The following TMED3 variants were observed in gnomAD, a reference collection of about 807,000 sequenced individuals.
The protein encoded by TMED3 is transmembrane p24 trafficking protein 3, also known as transmembrane emp24 domain-containing protein 3.
A neutral mutation model predicts 15.0 loss-of-function variants in TMED3; 9 were observed. The ratio of observed to expected loss-of-function variants is 0.60; its 90% confidence interval spans 0.36 to 1.04. The LOEUF is 1.04. TMED3 is among the 50% of genes least tolerant of loss of function. The pLI is 0.01. For synonymous variants in TMED3, 117 were observed against 121.4 expected, an observed-to-expected ratio of 0.96 and a Z score of 0.24; for missense variants, 267 against 278.9, an observed-to-expected ratio of 0.96 and a Z score of 0.30.
intron 2 of TMED3, among the ~76,000 whole-genome samples, chr15:79,397,988 A>C (rs981205904): frequency 2.6e-5 from 4 of 152,210 alleles, no homozygotes; most frequent in African/African-American, 9.6e-5. Flanking sequence ...TTAATACATC[A>C]TTATCACCTA....
At chr15:79,400,675 A>G (rs1893822735) in intron 2 of TMED3, among the ~76,000 whole-genome samples, 2 of 152,334 alleles carry the variant, frequency 1.3e-5, no homozygotes, top group Admixed American at 1.3e-4. Flanking sequence ...TGTGTATATA[A>G]CAATTATCTC....
intron 2 of TMED3, among the ~76,000 whole-genome samples, chr15:79,403,800 AT>A (rs1430061221): frequency 6.6e-6 from 1 of 152,126 alleles, no homozygotes; most frequent in Non-Finnish European, 1.5e-5. Flanking sequence ...GGAAGCACAT[AT>A]TTTGCGAGAA....
intron 2 of TMED3, among the ~76,000 whole-genome samples, chr15:79,391,428 G>A (rs1198778069): frequency 2.0e-5 from 3 of 152,138 alleles, no homozygotes; most frequent in Non-Finnish European, 4.4e-5. Context: ...ACTGTGGTCT[G>A]AGAGCATGCT....
At chr15:79,337,372 C>T (rs528790122) in intron 2 of TMED3, among the ~76,000 whole-genome samples, 4 of 152,200 alleles carry the variant, frequency 2.6e-5, no homozygotes, top group Non-Finnish European at 5.9e-5. Flanking sequence ...TTCTTTAAGC[C>T]TTATCTCCAA....
intron 2 of TMED3, among the ~76,000 whole-genome samples, chr15:79,338,387 G>A (rs1595892592): frequency 6.6e-6 from 1 of 152,140 alleles, no homozygotes; most frequent in South Asian, 2.1e-4. Flanking sequence ...GTAAATAGAA[G>A]GATGGTAATT....
At chr15:79,374,051 A>G (rs532924222) in intron 2 of TMED3, among the ~76,000 whole-genome samples, 31 of 152,208 alleles carry the variant, frequency 2.0e-4, no homozygotes, top group Non-Finnish European at 3.1e-4. Context: ...CTCTTAGTTA[A>G]ATCTCTCCTG....
chr15:79,400,372 C>A lies in TMED3; in HGVS notation c.418-11028C>A, dbSNP rs1163998952. ...TTAATCTACTAATGTATTTAATTATCTCTTGTCCATCTCCCTTACTAAAAT... is the reference window on the plus strand; with the variant it reads ...TTAATCTACTAATGTATTTAATTATATCTTGTCCATCTCCCTTACTAAAAT... On this transcript the variant is annotated intron_variant, in intron 2 of 2. Transcript: ENST00000424155. Among the ~76,000 whole-genome samples, 5 of 152,222 alleles carry A rather than the reference C, an allele frequency of 3.3e-5. No homozygotes were observed. In the East Asian group the frequency reaches 9.6e-4, roughly 29 times the overall value.
intron 2 of TMED3, among the ~76,000 whole-genome samples, chr15:79,363,939 T>A (rs1450870536): frequency 1.3e-5 from 2 of 152,180 alleles, no homozygotes; most frequent in Non-Finnish European, 2.9e-5. Flanking sequence ...AAGGGTTTTT[T>A]AAGTCGGAGA....
chr15:79,405,269 T>A (rs577113385), intron 2 of TMED3, among the ~76,000 whole-genome samples: 1 of 152,110 alleles, frequency 6.6e-6, no homozygotes, highest in Admixed American at 6.6e-5. Flanking sequence ...GAGCTGAAAC[T>A]CCCCTGTGGT....
intron 2 of TMED3, among the ~76,000 whole-genome samples, chr15:79,332,668 T>A (rs1434559074): frequency 6.6e-6 from 1 of 152,216 alleles, no homozygotes; most frequent in East Asian, 1.9e-4. Context: ...TCGCTTATCA[T>A]TCAGCTGTAA....
At chr15:79,338,248 A>AT (rs1287409952) in intron 2 of TMED3, among the ~76,000 whole-genome samples, 3 of 152,178 alleles carry the variant, frequency 2.0e-5, no homozygotes, top group African/African-American at 7.2e-5. Flanking sequence ...TCTGTGCAGT[A>AT]TTTTTTTCTT....
At chr15:79,350,634 T>TG (rs1470176553) in intron 2 of TMED3, among the ~76,000 whole-genome samples, 1 of 152,156 alleles carries the variant, frequency 6.6e-6, no homozygotes, top group Non-Finnish European at 1.5e-5. Context: ...AGGTTGAGGG[T>TG]GGGTCTGCCT....
intron 2 of TMED3, among the ~76,000 whole-genome samples, chr15:79,345,264 G>A (rs2058866010): frequency 6.6e-6 from 1 of 152,068 alleles, no homozygotes; most frequent in African/African-American, 2.4e-5. Flanking sequence ...ATTAAGCCTA[G>A]TACCCATTAG....
At chr15:79,384,892 A>G (rs1215079501) in intron 2 of TMED3, among the ~76,000 whole-genome samples, 2 of 152,162 alleles carry the variant, frequency 1.3e-5, no homozygotes, top group African/African-American at 4.8e-5. Flanking sequence ...AAGATGGCCA[A>G]TTAGAAGCAG....
chr15:79,367,614 T>C (rs1893260412), intron 2 of TMED3, among the ~76,000 whole-genome samples: 1 of 152,182 alleles, frequency 6.6e-6, no homozygotes. Context: ...CCACAGGTGT[T>C]CTGGATGGTC....
chr15:79,410,498 A>G (rs777613016), intron 2 of TMED3, among the ~76,000 whole-genome samples: 1 of 152,210 alleles, frequency 6.6e-6, no homozygotes, highest in Non-Finnish European at 1.5e-5. Flanking sequence ...CCAGCATGCC[A>G]GACAGGATGT....
chr15:79,351,239 G>A (rs1399702769), intron 2 of TMED3, among the ~76,000 whole-genome samples: 1 of 152,124 alleles, frequency 6.6e-6, no homozygotes, highest in African/African-American at 2.4e-5. Context: ...TCTATTCTGG[G>A]CTTCAGTTTA....
intron 2 of TMED3, among the ~76,000 whole-genome samples, chr15:79,317,700 C>A (rs2058746922): frequency 6.6e-6 from 1 of 152,158 alleles, no homozygotes; most frequent in Non-Finnish European, 1.5e-5. Flanking sequence ...TCCATCCCTC[C>A]CACTGATTTC....
chr15:79,405,861 G>A lies in TMED3; in HGVS notation c.418-5539G>A, dbSNP rs894855760. Among the ~76,000 whole-genome samples the A allele has an allele frequency of 2.0e-5, 3 of 152,294 alleles. 1 individual carries two copies. The highest frequency in any genetic ancestry group is 6.8e-3 in the Middle Eastern group (2 of 294). On this transcript the variant is annotated intron_variant, in intron 2 of 2. Transcript: ENST00000424155. ...AACATTGCCCTAGAGCAAGGCAGTC[G>A]ATGTGTACTCCTGTCCTTCCCACAG...
Sources: allele counts gnomAD v4.1 joint callset (sites outside exome capture counted in the v4.1 genomes callset), GRCh38; gene constraint gnomAD v4.1.1; transcripts MANE v1.5; gene names NCBI Gene and HGNC (gene_info 2026-07-23, HGNC 2026-07-21).